The following MEI4 variants were observed in gnomAD, a reference collection of about 807,000 sequenced individuals.
MEI4 encodes meiosis-specific protein MEI4.
Under a neutral mutation model 31.4 loss-of-function variants are expected in MEI4, and 27 were observed. That is an observed-to-expected ratio of 0.86 (90% CI 0.63 to 1.19). The LOEUF (loss-of-function observed/expected upper bound fraction) is 1.19, where lower values mean the gene tolerates loss of function less well. Among genes scored for constraint, MEI4 ranks in the 50% most tolerant of loss-of-function variants. The pLI is 0.00. For missense variants in MEI4, 329 were observed against 398.9 expected (o/e 0.82, Z 1.49); for synonymous variants, 122 against 145.4 (o/e 0.84, Z 1.16).
chr6:77,837,881 C>A (rs541973056), intron 4 of MEI4, among the ~76,000 whole-genome samples: 2 of 152,212 alleles, frequency 1.3e-5, no homozygotes, highest in South Asian at 4.1e-4. Context: ...TTTATAACTA[C>A]ATATTTAAAT....
chr6:77,917,624 T>G lies in MEI4; in HGVS notation c.901-5465T>G, dbSNP rs1387282453. 6.2e-5 allele frequency among the ~76,000 whole-genome samples: 3 copies of G among 48,360 alleles called. 1 individual carries two copies. The highest frequency in any genetic ancestry group is 1.0e-4 in the Non-Finnish European group (3 of 29,442). 31.7% of individuals were successfully genotyped at this position (48,360 alleles called of 152,430 possible). Reference sequence around the variant, plus strand: ...CCCACTTTTTGATGGGGTTGTTTTTTTCTTGTAAATTTGTTTGAGTTCATT... The same window carrying G: ...CCCACTTTTTGATGGGGTTGTTTTTGTCTTGTAAATTTGTTTGAGTTCATT... On this transcript the variant is annotated intron_variant, in intron 4 of 4. Coordinates refer to ENST00000684080, the MANE Select transcript of MEI4 (RefSeq NM_001322247.2).
intron 4 of MEI4, among the ~76,000 whole-genome samples, chr6:77,863,342 A>G (rs1403467127): frequency 1.3e-5 from 2 of 151,688 alleles, no homozygotes; most frequent in African/African-American, 4.9e-5. Context: ...TTGAAAAAAA[A>G]TTAGACGAAT....
At chr6:77,888,075 G>A (rs936512653) in intron 4 of MEI4, among the ~76,000 whole-genome samples, 1 of 152,066 alleles carries the variant, frequency 6.6e-6, no homozygotes, top group Admixed American at 6.6e-5. Context: ...TCTGATACAT[G>A]TATAACTACT....
chr6:77,853,493 A>G (rs558071474), intron 4 of MEI4, among the ~76,000 whole-genome samples: 8 of 152,328 alleles, frequency 5.3e-5, no homozygotes, highest in African/African-American at 1.9e-4. Context: ...TAATATCTTT[A>G]ACTCTCAGTT....
chr6:77,736,328 A>T (rs1315905238), intron 2 of MEI4, among the ~76,000 whole-genome samples: 1 of 151,950 alleles, frequency 6.6e-6, no homozygotes, highest in East Asian at 1.9e-4. Context: ...TGCGGGATAT[A>T]ATCTCCTGGT....
At chr6:77,785,466 G>T (rs1389317332) in intron 3 of MEI4, among the ~76,000 whole-genome samples, 1 of 152,092 alleles carries the variant, frequency 6.6e-6, no homozygotes, top group Admixed American at 6.6e-5. Context: ...AGAATAAGAG[G>T]GAGGGCCTTG....
At chr6:77,841,102 A>T (rs976513878) in intron 4 of MEI4, among the ~76,000 whole-genome samples, 3 of 151,870 alleles carry the variant, frequency 2.0e-5, no homozygotes, top group Admixed American at 2.0e-4. Context: ...TAAGGGGGTA[A>T]ATATAATAGA....
chr6:77,909,420 C>T (rs909062777), intron 4 of MEI4, among the ~76,000 whole-genome samples: 3 of 152,126 alleles, frequency 2.0e-5, no homozygotes, highest in Non-Finnish European at 2.9e-5. Flanking sequence ...TCAGAGAATA[C>T]TATAAACACC....
chr6:77,873,740 C>A, intron 4 of MEI4, among the ~76,000 whole-genome samples: 1 of 152,098 alleles, frequency 6.6e-6, no homozygotes, highest in Non-Finnish European at 1.5e-5. Context: ...GGTTTTAGGT[C>A]TAACATGTAA....
Position 77,703,167 on chromosome 6 carries a change from G to A in MEI4, c.232+12264G>A, listed in dbSNP as rs149935876. ...GGAGGGACATGTTCGGTGGTTATTT[G>A]GTGAATAAATAAGTTTAGAAATGGT... On this transcript the variant is annotated intron_variant, in intron 2 of 4. Coordinates refer to ENST00000684080, the MANE Select transcript of MEI4 (RefSeq NM_001322247.2). Among the ~76,000 whole-genome samples the A allele has an allele frequency of 4.7e-3, 710 of 152,236 alleles. 6 individuals carry two copies. The highest frequency in any genetic ancestry group is 0.017 in the African/African-American group (693 of 41,530).
At chr6:77,904,491 C>T (rs1027738452) in intron 4 of MEI4, among the ~76,000 whole-genome samples, 9 of 151,974 alleles carry the variant, frequency 5.9e-5, no homozygotes, top group Non-Finnish European at 1.2e-4. Flanking sequence ...GCCCCAGTAT[C>T]TATTGCTCTT....
rs915926778 is a variant in MEI4 at position 77,923,166 on chromosome 6, G to C, written c.978G>C (p.Lys326Asn). The C allele has an allele frequency of 1.6e-6, 2 of 1,230,480 alleles. No individual in the cohort carries two copies. Among genetic ancestry groups the C allele is most frequent in the African/African-American group, 3.1e-5 (2 of 64,270 alleles). 76.2% of individuals were successfully genotyped at this position (1,230,480 alleles called of 1,614,324 possible). The change falls in exon 5 of 5, where the codon AAG (lysine) becomes AAC (asparagine). Residue 326 changes from lysine (K) to asparagine (N), a missense_variant. Lys to Asn is a moderately conservative substitution (Grantham distance 94). Coordinates refer to ENST00000684080, the MANE Select transcript of MEI4 (RefSeq NM_001322247.2). ...LFWVLEQLLQKETEEGNTSSI... is the reference protein window; with the variant it reads ...LFWVLEQLLQNETEEGNTSSI... ...GGGTTCTGGAGCAGCTTCTTCAAAA[G>C]GAAACCGAAGAAGGCAACACTTCAA...
At chr6:77,830,874 C>T (rs1770062422) in intron 4 of MEI4, among the ~76,000 whole-genome samples, 1 of 151,656 alleles carries the variant, frequency 6.6e-6, no homozygotes, top group South Asian at 2.1e-4. Flanking sequence ...CTTAAAAACA[C>T]AAACAATAAA....
chr6:77,653,832 C>G (rs1323034073), intron 1 of MEI4, among the ~76,000 whole-genome samples: 1 of 152,070 alleles, frequency 6.6e-6, no homozygotes, highest in African/African-American at 2.4e-5. Context: ...AGAAATACAT[C>G]CCTGTAGGAA....
At chr6:77,709,717 G>A (rs1766414373) in intron 2 of MEI4, among the ~76,000 whole-genome samples, 1 of 152,032 alleles carries the variant, frequency 6.6e-6, no homozygotes, top group Non-Finnish European at 1.5e-5. Flanking sequence ...ATTTCTCTCT[G>A]TAAAACAGTA....
chr6:77,786,649 C>T (rs1768743816), intron 3 of MEI4, among the ~76,000 whole-genome samples: 1 of 151,954 alleles, frequency 6.6e-6, no homozygotes, highest in South Asian at 2.1e-4. Context: ...ATGATTAGTG[C>T]ATATAGTAAA....
At chr6:77,747,971 G>T (rs1314904644) in intron 2 of MEI4, among the ~76,000 whole-genome samples, 1 of 152,214 alleles carries the variant, frequency 6.6e-6, no homozygotes, top group Non-Finnish European at 1.5e-5. Flanking sequence ...ATCCAGTGGG[G>T]TAGTCAAATC....
At chr6:77,700,582 G>A (rs555940643) in intron 2 of MEI4, among the ~76,000 whole-genome samples, 4 of 152,282 alleles carry the variant, frequency 2.6e-5, no homozygotes, top group Non-Finnish European at 2.9e-5. Flanking sequence ...GCTCACATAC[G>A]GTGTGCTGCA....
At chr6:77,905,013 T>C (rs1386670661) in intron 4 of MEI4, among the ~76,000 whole-genome samples, 2 of 152,192 alleles carry the variant, frequency 1.3e-5, no homozygotes, top group Non-Finnish European at 2.9e-5. Context: ...TTTCATGTTT[T>C]AGGTTACTAA....
Sources: allele counts gnomAD v4.1 joint callset (sites outside exome capture counted in the v4.1 genomes callset), GRCh38; gene constraint gnomAD v4.1.1; transcripts MANE v1.5; gene names NCBI Gene and HGNC (gene_info 2026-07-23, HGNC 2026-07-21).